Variants in SMAD2 observed in about 807,000 individuals in gnomAD.
SMAD2 encodes the protein SMAD family member 2, also known as MAD homolog 2.
In SMAD2, 8 loss-of-function variants were observed where a neutral mutation model predicts 64.4. The ratio of observed to expected loss-of-function variants is 0.12; its 90% CI spans 0.07 to 0.22. The LOEUF (loss-of-function observed/expected upper bound fraction) is 0.22, where lower values mean the gene tolerates loss of function less well. Among genes scored for constraint, SMAD2 ranks in the 10% least tolerant of loss-of-function variants. The pLI, the probability that SMAD2 is intolerant of heterozygous loss-of-function variation, is 1.00. For missense variants in SMAD2, 289 were observed against 561.2 expected, an observed-to-expected ratio of 0.51 and a Z score of 4.90; for synonymous variants, 203 against 195.8, an observed-to-expected ratio of 1.04 and a Z score of -0.31.
chr18:47,851,418 A>G (rs1255015750), intron 6 of SMAD2, 91 bp from the exon 7 acceptor site: 6 of 811,218 alleles, frequency 7.4e-6, no homozygotes, highest in South Asian at 1.4e-5. Context: ...TATAATTATC[A>G]ACAATAATAC....
At chr18:47,868,611 A>C (rs559338393) in intron 4 of SMAD2, among the ~76,000 whole-genome samples, 154 bp from the exon 5 acceptor site, 1 of 152,218 alleles carries the variant, frequency 6.6e-6, no homozygotes, top group African/African-American at 2.4e-5. Context: ...GAAAATGACA[A>C]ATCTGATTAT....
At chr18:47,865,710 A>C (rs2031505714) in intron 5 of SMAD2, among the ~76,000 whole-genome samples, 1 of 152,216 alleles carries the variant, frequency 6.6e-6, no homozygotes, top group Non-Finnish European at 1.5e-5. Context: ...GTAAAGTCTA[A>C]GTGTTTGAAG....
intron 6 of SMAD2, among the ~76,000 whole-genome samples, chr18:47,854,703 AAG>A (rs2030503651): frequency 6.6e-6 from 1 of 152,146 alleles, no homozygotes; most frequent in Non-Finnish European, 1.5e-5. Context: ...TAATTTAAAA[AAG>A]ACTTTTTTTT....
At chr18:47,872,154 A>G (rs1181129285) in intron 2 of SMAD2, among the ~76,000 whole-genome samples, 3 of 152,216 alleles carry the variant, frequency 2.0e-5, no homozygotes, top group Non-Finnish European at 4.4e-5. Flanking sequence ...TAATTCGGCC[A>G]CTTTCCAACT....
rs182094809 is a variant in SMAD2 at position 47,815,618 on chromosome 18, T to C, written c.*26209A>G. 1.4e-4 allele frequency: 22 copies of C among 152,306 alleles called. 1 individual carries two copies. The highest frequency in any genetic ancestry group is 1.1e-3 in the Admixed American group (17 of 15,298). The allele number at this position is 152,306 out of a possible 1,614,324, so 9.4% of individuals were successfully genotyped here. A position where few individuals can be genotyped will look rare whatever the true frequency, so the allele number is the denominator to read the frequency against. ...ACAAAAACTGGCCTTGAATAAGACA[T>C]CACTTCCTCCAAGTCTGAGTACAGC... On this transcript the variant is annotated 3_prime_UTR_variant, in exon 11 of 11. Transcript: ENST00000262160.
intron 1 of SMAD2, among the ~76,000 whole-genome samples, chr18:47,921,462 T>C (rs2034557009): frequency 6.6e-6 from 1 of 152,204 alleles, no homozygotes; most frequent in South Asian, 2.1e-4. Context: ...TCATGGATTA[T>C]GTATACAAAA....
rs147821035 is a variant in SMAD2, at chr18:47,916,657, G to A, written c.-54+13704C>T. 7.4e-3 allele frequency among the ~76,000 whole-genome samples: 1,119 copies of A among 152,072 alleles called. 11 individuals carry two copies. Among genetic ancestry groups the A allele is most frequent in the African/African-American group, 0.025 (1,032 of 41,402 alleles). ...TGACTTCAAGTGATCGCCCACCTTG[G>A]CCTCCCAAAGTGGTAGCCACCATGC... is the stretch of plus-strand genomic sequence containing the variant. On this transcript the variant is annotated intron_variant, in intron 1 of 10. Coordinates refer to ENST00000262160, the MANE Select transcript of SMAD2 (RefSeq NM_005901.6).
At chr18:47,845,075 C>T in intron 10 of SMAD2, 1 of 597,300 alleles carries the variant, frequency 1.7e-6, no homozygotes, top group Non-Finnish European at 3.0e-6. Context: ...CTGACATAAC[C>T]CTTCATATAC....
chr18:47,888,505 A>T (rs2144444441), intron 2 of SMAD2, among the ~76,000 whole-genome samples: 1 of 152,348 alleles, frequency 6.6e-6, no homozygotes, highest in Admixed American at 6.5e-5. Flanking sequence ...GAAAAAGTAG[A>T]AGTGAATCTC....
chr18:47,834,118 C>T lies in SMAD2; in HGVS notation c.*7709G>A. ...ACTAAATGACTGGATGGCACATATC[C>T]CAATAAGTATCAGAAATGTTGACAG... On this transcript the variant is annotated 3_prime_UTR_variant, in exon 11 of 11. Coordinates refer to ENST00000262160, the MANE Select transcript of SMAD2 (RefSeq NM_005901.6). 1 of 213,738 alleles carries T rather than the reference C, an allele frequency of 4.7e-6. No individual in the cohort carries two copies. Among genetic ancestry groups the T allele is most frequent in the Non-Finnish European group, 9.4e-6 (1 of 105,942 alleles). 13.2% of individuals were successfully genotyped at this position (213,738 alleles called of 1,614,324 possible).
rs1171025825 is a variant in SMAD2 at position 47,810,456 on chromosome 18, T to C, written c.*31371A>G. Reference sequence around the variant, plus strand: ...CCCCCACTGGAACCCTGCAGCAGTTTATGCTACAGACTGGGCTTTCAATCA... The same window carrying C: ...CCCCCACTGGAACCCTGCAGCAGTTCATGCTACAGACTGGGCTTTCAATCA... On this transcript the variant is annotated 3_prime_UTR_variant, in exon 11 of 11. Coordinates refer to ENST00000262160, the MANE Select transcript of SMAD2 (RefSeq NM_005901.6). 1.3e-5 allele frequency: 2 copies of C among 152,236 alleles called. No individual in the cohort carries two copies. The highest frequency in any genetic ancestry group is 2.9e-5 in the Non-Finnish European group (2 of 68,072). 9.4% of individuals were successfully genotyped at this position (152,236 alleles called of 1,614,324 possible).
At chr18:47,857,910 T>C (rs931156830) in intron 6 of SMAD2, among the ~76,000 whole-genome samples, 5 of 152,322 alleles carry the variant, frequency 3.3e-5, no homozygotes, top group African/African-American at 1.2e-4. Flanking sequence ...TATTTGTATC[T>C]GAAAGTTCTG....
At chr18:47,843,460 C>T (rs892887019) in intron 10 of SMAD2, among the ~76,000 whole-genome samples, 2 of 152,164 alleles carry the variant, frequency 1.3e-5, no homozygotes, top group Non-Finnish European at 2.9e-5. Flanking sequence ...AGAAGGCTGC[C>T]ACTCGATTAA....
chr18:47,905,789 T>A (rs2033878201), intron 1 of SMAD2, among the ~76,000 whole-genome samples: 1 of 152,110 alleles, frequency 6.6e-6, no homozygotes, highest in South Asian at 2.1e-4. Flanking sequence ...ATTCATGACC[T>A]TAAAACATAA....
intron 5 of SMAD2, chr18:47,866,853 A>T (rs368702134): frequency 1.3e-5 from 2 of 152,354 alleles, no homozygotes; most frequent in African/African-American, 4.8e-5. Context: ...TCAAATCTCA[A>T]TAATTAAAGG....
At chr18:47,913,101 A>G (rs2034204997) in intron 1 of SMAD2, among the ~76,000 whole-genome samples, 2 of 152,060 alleles carry the variant, frequency 1.3e-5, no homozygotes, top group Admixed American at 1.3e-4. Context: ...TTGTGTTTTT[A>G]GTAGAGATGG....
In SMAD2 at chr18:47,883,568, T is replaced by C. The variant is rs558243385; in HGVS notation, c.236+12953A>G. Among the ~76,000 whole-genome samples, 5 of 152,344 alleles carry C rather than the reference T, an allele frequency of 3.3e-5. No homozygotes were observed. The East Asian group carries it at 7.7e-4, about 24-fold the overall frequency. On this transcript the variant is annotated intron_variant, in intron 2 of 10. Coordinates refer to ENST00000262160, the MANE Select transcript of SMAD2 (RefSeq NM_005901.6). ...ACTGATTTTTTTGTTCTAATTGAAC[T>C]CTCCAATTGTGGATTTGTGATTCTG...
At chr18:47,858,515 C>A (rs954038089) in intron 6 of SMAD2, among the ~76,000 whole-genome samples, 1 of 152,122 alleles carries the variant, frequency 6.6e-6, no homozygotes, top group African/African-American at 2.4e-5. Flanking sequence ...TTCTTTTTAT[C>A]CCTTCTAATT....
chr18:47,895,111 T>C (rs1258558870), intron 2 of SMAD2, among the ~76,000 whole-genome samples: 1 of 152,218 alleles, frequency 6.6e-6, no homozygotes, highest in East Asian at 1.9e-4. Context: ...AGATCCTCTT[T>C]AAAATCCATC....
Sources: allele counts gnomAD v4.1 joint callset (sites outside exome capture counted in the v4.1 genomes callset), GRCh38; gene constraint gnomAD v4.1.1; transcripts MANE v1.5; gene names NCBI Gene and HGNC (gene_info 2026-07-23, HGNC 2026-07-21).